DNAH11: variants seen among roughly 807,000 people sequenced by gnomAD.
The protein encoded by DNAH11 is dynein axonemal heavy chain 11.
Under a neutral mutation model 526.0 loss-of-function variants are expected in DNAH11, and 442 were observed. That is an observed-to-expected ratio of 0.84 (90% confidence interval 0.78 to 0.91). The LOEUF (loss-of-function observed/expected upper bound fraction) is 0.91, where lower values mean the gene tolerates loss of function less well. Among genes scored for constraint, DNAH11 ranks in the 40% least tolerant of loss-of-function variants. DNAH11 has a pLI of 0.00. For missense variants in DNAH11, 6,989 were observed against 5,448.7 expected, an observed-to-expected ratio of 1.28 and a Z score of -8.90; for synonymous variants, 2,461 against 1,935.9, an observed-to-expected ratio of 1.27 and a Z score of -7.12.
intron 14 of DNAH11, among the ~76,000 whole-genome samples, chr7:21,594,129 G>T (rs1435893190): frequency 1.3e-5 from 2 of 151,146 alleles, no homozygotes; most frequent in Non-Finnish European, 2.9e-5. Flanking sequence ...AGCACAGTGT[G>T]GGGTAGGGAA....
At chr7:21,817,020 A>G (rs1031746961) in intron 64 of DNAH11, among the ~76,000 whole-genome samples, 16 of 152,176 alleles carry the variant, frequency 1.1e-4, no homozygotes, top group Non-Finnish European at 1.8e-4. Context: ...GTGTTTGGAT[A>G]GTAACACAAG....
chr7:21,624,941 A>T (rs1786259240), intron 25 of DNAH11, among the ~76,000 whole-genome samples: 1 of 151,694 alleles, frequency 6.6e-6, no homozygotes, highest in East Asian at 1.9e-4. Context: ...AGTTTGCTAG[A>T]CTTTGCTGAG....
intron 11 of DNAH11, 86 bp downstream of exon 11, chr7:21,588,722 A>T (rs1476788723): frequency 6.7e-6 from 10 of 1,481,982 alleles, no homozygotes. Context: ...TCATATTAGC[A>T]CTTAGGAAGC....
chr7:21,654,946 A>G (rs1342460140), intron 28 of DNAH11, among the ~76,000 whole-genome samples: 1 of 152,182 alleles, frequency 6.6e-6, no homozygotes, highest in Non-Finnish European at 1.5e-5. Flanking sequence ...AACAAGATGA[A>G]TAAGTGTTGT....
chr7:21,644,174 G>A (rs1481472180), intron 28 of DNAH11, among the ~76,000 whole-genome samples: 1 of 152,136 alleles, frequency 6.6e-6, no homozygotes, highest in Non-Finnish European at 1.5e-5. Flanking sequence ...ATTCAAAAAG[G>A]TGCTTGTGAG....
chr7:21,777,921 ATGTCTTT>A (rs1394150686), intron 56 of DNAH11, among the ~76,000 whole-genome samples: 8 of 152,208 alleles, frequency 5.3e-5, no homozygotes, highest in Non-Finnish European at 1.0e-4. Context: ...AACCACTGAA[ATGTCTTT>A]AGCATTTGAG....
Position 21,601,151 on chromosome 7 carries a change from G to A in DNAH11, c.3397G>A (p.Glu1133Lys). Residue 1133 changes from glutamate (E) to lysine (K), a missense_variant, in exon 17 of 82, where the codon GAG becomes AAG. Glu to Lys is a moderately conservative substitution (Grantham distance 56). Transcript: ENST00000409508. ...TAAGAAATGGAGCTGGATGTTTCAG[G>A]AGCATCTTTTGAGATTTGTCATTGA... ...IIKKWSWMFQ[E>K]HLLRFVIDSL... is the part of the protein sequence containing the mutation. The A allele has an allele frequency of 6.2e-7, 1 of 1,603,588 alleles. No homozygotes were observed. Among genetic ancestry groups the A allele is most frequent in the South Asian group, 1.1e-5 (1 of 87,446 alleles).
intron 25 of DNAH11, among the ~76,000 whole-genome samples, chr7:21,622,763 A>G (rs1008435410): frequency 7.9e-5 from 12 of 152,224 alleles, no homozygotes; most frequent in African/African-American, 2.7e-4. Context: ...CTGGCTAGCC[A>G]TATGTAGAAA....
chr7:21,683,675 C>T lies in DNAH11; in HGVS notation c.5461-109C>T, dbSNP rs914080561. On this transcript the variant is annotated intron_variant, in intron 31 of 81. Coordinates refer to ENST00000409508, the MANE Select transcript of DNAH11 (RefSeq NM_001277115.2). ...ATTTGCAATAGCGTGCAAGAGATTT[C>T]CTATTTATGAGAATTTTAGAAATGT... 4.0e-6 allele frequency: 5 copies of T among 1,240,326 alleles called. No homozygotes were observed. In the African/African-American group the frequency reaches 6.1e-5, roughly 15 times the overall value. The allele number at this position is 1,240,326 out of a possible 1,614,324, so 76.8% of individuals were successfully genotyped here. A position where few individuals can be genotyped will look rare whatever the true frequency, so the allele number is the denominator to read the frequency against.
intron 45 of DNAH11, among the ~76,000 whole-genome samples, chr7:21,729,649 C>T (rs1182613628): frequency 1.3e-5 from 2 of 152,052 alleles, no homozygotes; most frequent in African/African-American, 4.8e-5. Context: ...TGCAATTCAG[C>T]CGTGTTCCTT....
In DNAH11 at chr7:21,705,455, T is replaced by A; in HGVS notation, c.6469-5T>A. 6.2e-7 allele frequency: 1 copy of A among 1,613,590 alleles called. No individual in the cohort carries two copies. Among genetic ancestry groups the A allele is most frequent in the South Asian group, 1.1e-5 (1 of 91,050 alleles). On this transcript the variant is annotated splice_polypyrimidine_tract_variant and splice_region_variant and intron_variant, in intron 38 of 81. Coordinates refer to ENST00000409508, the MANE Select transcript of DNAH11 (RefSeq NM_001277115.2). ...GAAACCAGCAACCAGCTGTTTGCTC[T>A]GCAGGTTGTCCAGCTTGAGGAACTG... is the stretch of plus-strand genomic sequence containing the variant.
chr7:21,694,664 G>A (rs376859728), intron 35 of DNAH11, among the ~76,000 whole-genome samples: 8 of 152,246 alleles, frequency 5.3e-5, no homozygotes, highest in African/African-American at 1.9e-4. Context: ...AAACATACAT[G>A]TGTATACGTC....
chr7:21,600,154 A>T (rs766252974), intron 15 of DNAH11, 35 bp downstream of exon 15: 12 of 1,487,170 alleles, frequency 8.1e-6, no homozygotes, highest in Non-Finnish European at 9.9e-6. Flanking sequence ...TAGCTTTTAT[A>T]TTAATGATTC....
At chr7:21,777,280 A>G (rs1286666958) in intron 56 of DNAH11, among the ~76,000 whole-genome samples, 1 of 152,114 alleles carries the variant, frequency 6.6e-6, no homozygotes, top group African/African-American at 2.4e-5. Context: ...TTTATTGTTG[A>G]GCAGTATTCC....
chr7:21,842,203 C>G (rs949667158), intron 65 of DNAH11, among the ~76,000 whole-genome samples: 1 of 152,122 alleles, frequency 6.6e-6, no homozygotes, highest in Non-Finnish European at 1.5e-5. Flanking sequence ...TCACAGTTTG[C>G]AAGTTTATCG....
rs1183472413 is a variant in DNAH11 at position 21,842,666 on chromosome 7, T to G, written c.10814T>G (p.Phe3605Cys). 1.9e-6 allele frequency: 3 copies of G among 1,613,910 alleles called. No homozygotes were observed. Among genetic ancestry groups the G allele is most frequent in the Non-Finnish European group, 2.5e-6 (3 of 1,179,846 alleles). The change falls in exon 66 of 82, where the codon TTC becomes TGC. Residue 3605 changes from phenylalanine to cysteine, a missense_variant. Physicochemically the swap from Phe to Cys is radical, Grantham distance 205. Coordinates refer to ENST00000409508, the MANE Select transcript of DNAH11 (RefSeq NM_001277115.2). ...ELQAQTTLLNFTVTEDGLEAQ... is the reference protein window; with the variant it reads ...ELQAQTTLLNCTVTEDGLEAQ... ...CAAGCTCAGACAACTCTCCTCAATT[T>G]CACAGTCACAGAAGATGGTCTAGAA...
At chr7:21,666,756 AT>A (rs200980636) in intron 30 of DNAH11, among the ~76,000 whole-genome samples, 18,399 of 145,834 alleles carry the variant, frequency 0.13, 1,966 homozygotes, top group Admixed American at 0.27. Context: ...GGACACAAGT[AT>A]TTTTTTTTTT....
intron 25 of DNAH11, among the ~76,000 whole-genome samples, chr7:21,634,193 G>A (rs1018988229): frequency 8.5e-5 from 13 of 152,164 alleles, no homozygotes; most frequent in African/African-American, 3.1e-4. Flanking sequence ...TTATGCAAAG[G>A]TGAAACACCA....
intron 2 of DNAH11, among the ~76,000 whole-genome samples, chr7:21,557,472 G>A (rs1008672897): frequency 1.3e-5 from 2 of 152,062 alleles, no homozygotes; most frequent in Non-Finnish European, 2.9e-5. Flanking sequence ...GTTTGTAGAC[G>A]GCCCCTTCTA....
Sources: gnomAD v4.1 joint callset for allele counts (sites outside exome capture counted in the v4.1 genomes callset) on GRCh38, gnomAD v4.1.1 for gene constraint, MANE v1.5 for transcripts, NCBI Gene and HGNC (gene_info 2026-07-23, HGNC 2026-07-21) for gene names.